AP4M1: variants seen among roughly 807,000 people sequenced by gnomAD.
AP4M1 encodes the protein AP-4 complex subunit mu-1.
In AP4M1, 58 loss-of-function variants were observed where a neutral mutation model predicts 62.4. That is an observed-to-expected ratio of 0.93 (90% confidence interval 0.75 to 1.16). The LOEUF (loss-of-function observed/expected upper bound fraction) is 1.16. Ranked by LOEUF, AP4M1 falls within the 50% of genes most tolerant of loss-of-function variation. The probability of loss-of-function intolerance (pLI) is 0.00; values close to 1 mark genes in which losing one functional copy is unlikely to be tolerated. For synonymous variants in AP4M1, 290 were observed against 239.7 expected (o/e 1.21, Z -1.94); for missense variants, 626 against 585.4 (o/e 1.07, Z -0.72).
Position 100,107,883 on chromosome 7 carries a change from A to G in AP4M1, c.*1001A>G, listed in dbSNP as rs374793938. The G allele has an allele frequency of 6.4e-7, 1 of 1,566,522 alleles. No homozygotes were observed. Among genetic ancestry groups the G allele is most frequent in the Non-Finnish European group, 8.7e-7 (1 of 1,152,936 alleles). ...GGCCTCCCCAGGGTGCTCTGAGGTA[A>G]CCCAGGCCCTCCAGATGCTCCCTGT... On this transcript the variant is annotated 3_prime_UTR_variant, in exon 15 of 15. Coordinates refer to ENST00000359593, the MANE Select transcript of AP4M1 (RefSeq NM_004722.4).
upstream of AP4M1, chr7:100,101,269 T>C (rs1796012315): frequency 6.2e-7 from 1 of 1,613,138 alleles, no homozygotes; most frequent in Non-Finnish European, 8.5e-7. Context: ...CGTACCCTTC[T>C]CTAGCGCGTA....
upstream of AP4M1, chr7:100,100,932 G>T: frequency 9.8e-7 from 1 of 1,020,000 alleles, no homozygotes; most frequent in Non-Finnish European, 1.2e-6. Context: ...AAGCGGGCAC[G>T]GGAGCCCAGA....
Position 100,107,142 on chromosome 7 carries a change from G to A in AP4M1, c.*260G>A. 1 of 1,456,304 alleles carries A rather than the reference G, an allele frequency of 6.9e-7. No individual in the cohort carries two copies. The highest frequency in any genetic ancestry group is 9.1e-7 in the Non-Finnish European group (1 of 1,093,150). 90.2% of individuals were successfully genotyped at this position (1,456,304 alleles called of 1,614,324 possible). Reference sequence around the variant, plus strand: ...TATCTAAAAAGAAAGTGACATGAAGGAAGCAATCTACAACTTCCTTCCGCT... The same window carrying A: ...TATCTAAAAAGAAAGTGACATGAAGAAAGCAATCTACAACTTCCTTCCGCT... On this transcript the variant is annotated 3_prime_UTR_variant, in exon 15 of 15. Coordinates refer to ENST00000359593, the MANE Select transcript of AP4M1 (RefSeq NM_004722.4).
rs1796761407 is a variant in AP4M1, at chr7:100,108,183, G to A, written c.*1301G>A. 6.6e-7 allele frequency: 1 copy of A among 1,521,686 alleles called. No homozygotes were observed. The highest frequency in any genetic ancestry group is 1.4e-5 in the African/African-American group (1 of 73,560). 94.3% of individuals were successfully genotyped at this position (1,521,686 alleles called of 1,614,324 possible). A position where few individuals can be genotyped will look rare whatever the true frequency, so the allele number is the denominator to read the frequency against. On this transcript the variant is annotated 3_prime_UTR_variant, in exon 15 of 15. Coordinates refer to ENST00000359593, the MANE Select transcript of AP4M1 (RefSeq NM_004722.4). ...ATCTACTAAGAAGAGGAGTCTGAAG[G>A]GAGAGGCCTGGGCTCCCCTCGCTCT...
intron 4 of AP4M1, 22 bp downstream of exon 4, chr7:100,102,982 C>T (rs772801136): frequency 6.2e-7 from 1 of 1,600,844 alleles, no homozygotes; most frequent in Non-Finnish European, 8.6e-7. Context: ...CAATCCCCTT[C>T]TGTGGCCCCT....
At position 100,103,502 on chromosome 7, in the gene AP4M1, C is replaced by G. The variant is rs1157334766; in HGVS notation, c.445C>G (p.Leu149Val). Reference protein sequence around the residue: ...VVSKPFSLFDLSSVGLFGAET... With the variant: ...VVSKPFSLFDVSSVGLFGAET... ...CAGCAAGCCCTTCAGCCTCTTTGAC[C>G]TCAGCAGCGTTGGCTTGGTCAGTAG... is the stretch of plus-strand genomic sequence containing the variant. Residue 149 changes from leucine (L) to valine (V), a missense_variant, in exon 5 of 15, where the codon CTC becomes GTC. Transcript: ENST00000359593. The G allele has an allele frequency of 1.2e-6, 2 of 1,614,180 alleles. No individual in the cohort carries two copies. The highest frequency in any genetic ancestry group is 2.2e-5 in the South Asian group (2 of 91,084).
rs1796587284 is a variant in AP4M1 at position 100,107,162 on chromosome 7, TC to T, written c.*282del. 3.3e-6 allele frequency: 5 copies of T among 1,502,220 alleles called. No individual in the cohort carries two copies. In the African/African-American group the frequency reaches 7.0e-5, roughly 21 times the overall value. The allele number at this position is 1,502,220 out of a possible 1,614,324, so 93.1% of individuals were successfully genotyped here. ...TGAAGGAAGCAATCTACAACTTCCT[TC>T]CGCTTAGCGAGCATGCATGTGTGTA... On this transcript the variant is annotated 3_prime_UTR_variant, in exon 15 of 15. Transcript: ENST00000359593.
intron 10 of AP4M1, 34 bp downstream of exon 10, chr7:100,105,380 A>C (rs766467478): frequency 6.2e-7 from 1 of 1,613,108 alleles, no homozygotes; most frequent in East Asian, 2.2e-5. Flanking sequence ...AATTCCGTCC[A>C]CCATGGGGAA....
chr7:100,106,320 T>C (rs1796474978), intron 13 of AP4M1, 29 bp downstream of exon 13: 1 of 1,613,758 alleles, frequency 6.2e-7, no homozygotes. Flanking sequence ...CACGGGGAGA[T>C]TCCTGGGGAG....
rs1796832312 is a variant in AP4M1 at position 100,108,613 on chromosome 7, ACT to A, written c.*1734_*1735del. ...GCCAGGTAGAGGGAGGGCTGGTGAC[ACT>A]CTTGAGAAGAACCTTGGGGATGGGG... On this transcript the variant is annotated 3_prime_UTR_variant, in exon 15 of 15. Coordinates refer to ENST00000359593, the MANE Select transcript of AP4M1 (RefSeq NM_004722.4). The A allele has an allele frequency of 2.0e-6, 3 of 1,495,692 alleles. No individual in the cohort carries two copies. The highest frequency in any genetic ancestry group is 2.8e-5 in the African/African-American group (2 of 71,776). The allele number at this position is 1,495,692 out of a possible 1,614,324, so 92.7% of individuals were successfully genotyped here. A position where few individuals can be genotyped will look rare whatever the true frequency, so the allele number is the denominator to read the frequency against.
At chr7:100,105,129 G>A (rs768917277) in intron 9 of AP4M1, 31 bp downstream of exon 9, 3 of 1,613,884 alleles carry the variant, frequency 1.9e-6, no homozygotes, top group Non-Finnish European at 2.5e-6. Context: ...TCTCCCCTTG[G>A]AGTAGGTCAT....
At chr7:100,103,093 ACAGGGT>A (rs1796193702) in intron 4 of AP4M1, 133 bp downstream of exon 4, 3 of 787,556 alleles carry the variant, frequency 3.8e-6, no homozygotes, top group Non-Finnish European at 6.0e-6. Context: ...GCTTTTAGAG[ACAGGGT>A]CTTGCTCTGT....
Position 100,105,159 on chromosome 7 carries a change from A to G in AP4M1, c.727+61A>G, listed in dbSNP as rs1796356932. On this transcript the variant is annotated intron_variant, in intron 9 of 14. Transcript: ENST00000359593. Reference sequence around the variant, plus strand: ...GGTCATTGCCAGAGTTCATGGAGAGAAGTCAGACAGAGCCTCCCCTCTCCT... The same window carrying G: ...GGTCATTGCCAGAGTTCATGGAGAGGAGTCAGACAGAGCCTCCCCTCTCCT... 3.1e-6 allele frequency: 5 copies of G among 1,611,980 alleles called. No individual in the cohort carries two copies. The Admixed American group carries it at 8.3e-5, about 27-fold the overall frequency.
rs797045249 is a variant in AP4M1 at position 100,101,744 on chromosome 7, CA to C, written c.32del (p.Lys11ArgfsTer27). 17 of 1,613,540 alleles carry C rather than the reference CA, an allele frequency of 1.1e-5. No individual in the cohort carries two copies. The highest frequency in any genetic ancestry group is 6.7e-5 in the Admixed American group (4 of 59,996). MISQFFILSSKGDPLIYKDFR... is the reference protein window; with the variant it reads MISQFFILSSXGDPLIYKDFR... ...TTTCCCAATTCTTCATTCTGTCCTCCAAGGGGGACCCGCTCATCTACAAAGA... is the reference window on the plus strand; with the variant it reads ...TTTCCCAATTCTTCATTCTGTCCTCCAGGGGGACCCGCTCATCTACAAAGA... On this transcript the variant is annotated frameshift_variant, in exon 1 of 15. Coordinates refer to ENST00000359593, the MANE Select transcript of AP4M1 (RefSeq NM_004722.4). LOFTEE classifies it high-confidence loss of function.
At chr7:100,102,548 T>G (rs2116625479) in intron 2 of AP4M1, 127 bp from the exon 3 acceptor site, 3 of 788,458 alleles carry the variant, frequency 3.8e-6, no homozygotes, top group Non-Finnish European at 4.3e-6. Flanking sequence ...GCATATGTCA[T>G]GTATCTCCCA....
chr7:100,105,562 A>G (rs1345669735), intron 11 of AP4M1, 23 bp downstream of exon 11: 4 of 1,601,234 alleles, frequency 2.5e-6, no homozygotes, highest in African/African-American at 1.3e-5. Flanking sequence ...CCTGGGTTCT[A>G]GAACTACCTT....
Position 100,107,155 on chromosome 7 carries a change from A to G in AP4M1, c.*273A>G. The stretch of plus-strand genomic sequence containing the variant: ...AGTGACATGAAGGAAGCAATCTACA[A>G]CTTCCTTCCGCTTAGCGAGCATGCA... On this transcript the variant is annotated 3_prime_UTR_variant, in exon 15 of 15. Coordinates refer to ENST00000359593, the MANE Select transcript of AP4M1 (RefSeq NM_004722.4). The G allele has an allele frequency of 6.8e-7, 1 of 1,479,990 alleles. No individual in the cohort carries two copies. Among genetic ancestry groups the G allele is most frequent in the Non-Finnish European group, 9.0e-7 (1 of 1,108,432 alleles). The allele number at this position is 1,479,990 out of a possible 1,614,324, so 91.7% of individuals were successfully genotyped here.
chr7:100,106,563 C>CCCG, intron 14 of AP4M1, 49 bp downstream of exon 14: 1 of 1,540,994 alleles, frequency 6.5e-7, no homozygotes. Flanking sequence ...TCACTTGCAG[C>CCCG]CCCCACCCCA....
At chr7:100,103,364 C>T (rs1356768372) in intron 4 of AP4M1, 45 bp from the exon 5 acceptor site, 1 of 1,545,614 alleles carries the variant, frequency 6.5e-7, no homozygotes, top group Non-Finnish European at 8.9e-7. Flanking sequence ...CCTCTTTACC[C>T]CTTCCCTCCA....
Sources: gnomAD v4.1 joint callset for allele counts on GRCh38, gnomAD v4.1.1 for gene constraint, MANE v1.5 for transcripts, NCBI Gene and HGNC (gene_info 2026-07-23, HGNC 2026-07-21) for gene names.